Variants in FERMT2 observed in about 807,000 individuals in gnomAD.
FERMT2 encodes FERM domain containing kindlin 2, also known as fermitin family homolog 2.
Under a neutral mutation model 82.7 loss-of-function variants are expected in FERMT2, and 15 were observed. That is an observed-to-expected ratio of 0.18 (90% CI 0.12 to 0.28). The LOEUF (loss-of-function observed/expected upper bound fraction) is 0.28, where lower values mean the gene tolerates loss of function less well. Ranked by LOEUF, FERMT2 falls within the 10% of genes least tolerant of loss-of-function variation. FERMT2 has a pLI of 1.00. For synonymous variants in FERMT2, 274 were observed against 271.5 expected, an observed-to-expected ratio of 1.01 and a Z score of -0.09; for missense variants, 645 against 809.4, an observed-to-expected ratio of 0.80 and a Z score of 2.46.
intron 2 of FERMT2, among the ~76,000 whole-genome samples, chr14:52,933,651 G>A (rs973901846): frequency 2.8e-5 from 4 of 143,698 alleles, no homozygotes; most frequent in African/African-American, 7.8e-5. Flanking sequence ...TGGAGGTTGT[G>A]GTGAGCCGAG....
intron 3 of FERMT2, among the ~76,000 whole-genome samples, chr14:52,907,013 T>TA (rs59646316): frequency 0.62 from 86,878 of 139,092 alleles, 28,305 homozygotes; most frequent in South Asian, 0.75. Context: ...AAGGCAAAAT[T>TA]AAAAAAAAAA....
intron 2 of FERMT2, among the ~76,000 whole-genome samples, chr14:52,934,722 CTTCT>C (rs1317155004): frequency 2.6e-5 from 4 of 152,310 alleles, no homozygotes; most frequent in African/African-American, 9.6e-5. Flanking sequence ...TGAGCTATTT[CTTCT>C]TTAACTCCAT....
rs1176374653 is a variant in FERMT2, at chr14:52,939,188, C to G, written c.157+11224G>C. Among the ~76,000 whole-genome samples, 3 of 104,288 alleles carry G rather than the reference C, an allele frequency of 2.9e-5. No homozygotes were observed. The East Asian group carries it at 8.5e-4, about 29-fold the overall frequency. 68.4% of individuals were successfully genotyped at this position (104,288 alleles called of 152,430 possible). A position where few individuals can be genotyped will look rare whatever the true frequency, so the allele number is the denominator to read the frequency against. On this transcript the variant is annotated intron_variant, in intron 2 of 14. Coordinates refer to ENST00000341590, the MANE Select transcript of FERMT2 (RefSeq NM_006832.3). ...TGGCCAACATGGTGAAATCCCATCT[C>G]TACTAAAAAAAAAAAAAAAAAAAAA...
chr14:52,878,137 T>G (rs1394749847), intron 7 of FERMT2, among the ~76,000 whole-genome samples: 1 of 152,196 alleles, frequency 6.6e-6, no homozygotes, highest in Non-Finnish European at 1.5e-5. Context: ...CTCTAAATCT[T>G]ATCACCTAAA....
At chr14:52,878,754 G>T in intron 6 of FERMT2, 65 bp from the exon 7 acceptor site, 2 of 792,124 alleles carry the variant, frequency 2.5e-6, no homozygotes, top group Non-Finnish European at 2.0e-6. Context: ...TTCAAACTCT[G>T]AATATTCAAT....
At chr14:52,911,154 C>T (rs1217616958) in intron 3 of FERMT2, among the ~76,000 whole-genome samples, 1 of 152,112 alleles carries the variant, frequency 6.6e-6, no homozygotes, top group Admixed American at 6.5e-5. Flanking sequence ...GTATGCAGCT[C>T]TACTCAATAC....
chr14:52,913,553 G>C (rs1888444805), intron 3 of FERMT2, among the ~76,000 whole-genome samples: 1 of 152,176 alleles, frequency 6.6e-6, no homozygotes, highest in Non-Finnish European at 1.5e-5. Flanking sequence ...GGAGGGTTGG[G>C]AAACAACTAT....
intron 2 of FERMT2, among the ~76,000 whole-genome samples, chr14:52,941,433 C>T (rs917393899): frequency 6.6e-6 from 1 of 151,824 alleles, no homozygotes; most frequent in Non-Finnish European, 1.5e-5. Context: ...CTCAATGAGC[C>T]TGACACTAAG....
intron 4 of FERMT2, among the ~76,000 whole-genome samples, chr14:52,885,083 C>T (rs1202356817): frequency 4.0e-5 from 6 of 151,896 alleles, no homozygotes; most frequent in Non-Finnish European, 5.9e-5. Flanking sequence ...GAGGCCAAGG[C>T]GGGTGGATCA....
chr14:52,909,542 C>T (rs1347354701), intron 3 of FERMT2, among the ~76,000 whole-genome samples: 1 of 152,156 alleles, frequency 6.6e-6, no homozygotes, highest in Admixed American at 6.5e-5. Context: ...AATCCCAGCA[C>T]TTTGGGAGGC....
chr14:52,926,855 T>C (rs1237258626), intron 2 of FERMT2, among the ~76,000 whole-genome samples: 2 of 152,214 alleles, frequency 1.3e-5, no homozygotes, highest in Non-Finnish European at 2.9e-5. Context: ...TAGTTTACTA[T>C]ACCTAGCAAA....
At chr14:52,945,629 T>C (rs1175248825) in intron 2 of FERMT2, among the ~76,000 whole-genome samples, 2 of 152,250 alleles carry the variant, frequency 1.3e-5, no homozygotes, top group South Asian at 4.1e-4. Context: ...TGCATTTTTT[T>C]CCCTTGTAGA....
At chr14:52,927,805 T>G (rs1337362864) in intron 2 of FERMT2, among the ~76,000 whole-genome samples, 1 of 151,888 alleles carries the variant, frequency 6.6e-6, no homozygotes, top group East Asian at 1.9e-4. Flanking sequence ...AGATTTGACT[T>G]GGGCCTTCAA....
At chr14:52,860,248 G>T in intron 13 of FERMT2, 93 bp downstream of exon 13, 4 of 1,055,512 alleles carry the variant, frequency 3.8e-6, no homozygotes, top group Non-Finnish European at 5.6e-6. Flanking sequence ...GGTCTACATA[G>T]GTATGCTTTA....
chr14:52,894,301 C>T (rs1168980385), intron 3 of FERMT2, among the ~76,000 whole-genome samples: 24 of 152,052 alleles, frequency 1.6e-4, no homozygotes, highest in Non-Finnish European at 3.1e-4. Context: ...ATATTGCACA[C>T]GATGTTCACA....
chr14:52,895,574 T>G (rs986385626), intron 3 of FERMT2, among the ~76,000 whole-genome samples: 1 of 152,098 alleles, frequency 6.6e-6, no homozygotes, highest in African/African-American at 2.4e-5. Flanking sequence ...GGAAGATAAA[T>G]TAGAAAAGAG....
chr14:52,927,031 T>C (rs1216317154), intron 2 of FERMT2, among the ~76,000 whole-genome samples: 2 of 152,178 alleles, frequency 1.3e-5, no homozygotes. Flanking sequence ...CAAACTCCTA[T>C]CATTAACATT....
At chr14:52,947,721 G>C (rs935734947) in intron 2 of FERMT2, among the ~76,000 whole-genome samples, 1 of 152,152 alleles carries the variant, frequency 6.6e-6, no homozygotes, top group African/African-American at 2.4e-5. Flanking sequence ...AGATGAACCT[G>C]ACACACAAGG....
At position 52,950,492 on chromosome 14, in the gene FERMT2, T is replaced by C; in HGVS notation, c.77A>G (p.Asp26Gly). The change falls in exon 2 of 15, where the codon GAC becomes GGC. Residue 26 changes from aspartate to glycine, a missense_variant. Transcript: ENST00000341590. ...GTWELSVHVT[D>G]LNRDVTLRVT... ...TCTCAGGGTGACATCGCGGTTCAGG[T>C]CCGTCACATGGACACTCAGTTCCCA... 6.2e-7 allele frequency: 1 copy of C among 1,614,064 alleles called. No individual in the cohort carries two copies. Among genetic ancestry groups the C allele is most frequent in the South Asian group, 1.1e-5 (1 of 91,074 alleles).
Sources: gnomAD v4.1 joint callset for allele counts (sites outside exome capture counted in the v4.1 genomes callset) on GRCh38, gnomAD v4.1.1 for gene constraint, MANE v1.5 for transcripts, NCBI Gene and HGNC (gene_info 2026-07-23, HGNC 2026-07-21) for gene names.